The following FHIT variants were observed in gnomAD, a reference collection of about 807,000 sequenced individuals.
FHIT encodes the protein fragile histidine triad diadenosine triphosphatase.
In FHIT, 19 loss-of-function variants were observed where a neutral mutation model predicts 17.9. That is an observed-to-expected ratio of 1.06 (90% confidence interval 0.74 to 1.56). The LOEUF is 1.56. FHIT is among the 40% of genes most tolerant of loss of function. FHIT has a pLI of 0.00. For missense variants in FHIT, 248 were observed against 189.2 expected, an observed-to-expected ratio of 1.31 and a Z score of -1.82; for synonymous variants, 81 against 69.7, an observed-to-expected ratio of 1.16 and a Z score of -0.81.
At chr3:60,659,106 A>T (rs2040182914) in intron 4 of FHIT, among the ~76,000 whole-genome samples, 1 of 151,782 alleles carries the variant, frequency 6.6e-6, no homozygotes, top group South Asian at 2.1e-4. Flanking sequence ...AGCCCATTGC[A>T]TTCTGGACTC....
chr3:61,134,067 C>T (rs76724077), intron 2 of FHIT, among the ~76,000 whole-genome samples: 59,664 of 134,944 alleles, frequency 0.44, 12,952 homozygotes, highest in Middle Eastern at 0.57. Context: ...CCAGCCTGGG[C>T]GACAGAGTGA....
intron 1 of FHIT, among the ~76,000 whole-genome samples, chr3:61,248,432 G>C (rs772944873): frequency 6.6e-6 from 1 of 152,156 alleles, no homozygotes; most frequent in Non-Finnish European, 1.5e-5. Context: ...TTTCAGAAGA[G>C]ACCAGAGTTA....
Position 60,145,341 on chromosome 3 carries a change from C to A in FHIT, c.104-131189G>T, listed in dbSNP as rs139499598. Among the ~76,000 whole-genome samples the A allele has an allele frequency of 7.9e-4, 120 of 152,282 alleles. No homozygotes were observed. In the East Asian group the frequency reaches 0.016, roughly 20 times the overall value. ...ATATGTAAATTATGTACAAGCTTCACCACTTGGGCTTGTACATTATTCTAC... is the reference window on the plus strand; with the variant it reads ...ATATGTAAATTATGTACAAGCTTCAACACTTGGGCTTGTACATTATTCTAC... On this transcript the variant is annotated intron_variant, in intron 5 of 9. Transcript: ENST00000492590.
At chr3:60,993,181 C>T (rs758702077) in intron 3 of FHIT, among the ~76,000 whole-genome samples, 2 of 152,144 alleles carry the variant, frequency 1.3e-5, no homozygotes, top group East Asian at 1.9e-4. Context: ...GCAAAGGAAA[C>T]CTTATTTTCC....
At chr3:60,564,772 G>A (rs1231744903) in intron 4 of FHIT, among the ~76,000 whole-genome samples, 1 of 152,144 alleles carries the variant, frequency 6.6e-6, no homozygotes, top group Non-Finnish European at 1.5e-5. Context: ...GATTTCTTGA[G>A]ATGAAATCAA....
In FHIT at chr3:61,171,910, G is replaced by C. The variant is rs533763062; in HGVS notation, c.-164+28707C>G. 1.6e-4 allele frequency among the ~76,000 whole-genome samples: 25 copies of C among 152,296 alleles called. No homozygotes were observed. The East Asian group carries it at 3.9e-3, about 23-fold the overall frequency. ...GTGTGTGAAAACATAACTACTGCCA[G>C]AATTTTTAGCATATTCCCTTATTCA... is the stretch of plus-strand genomic sequence containing the variant. On this transcript the variant is annotated intron_variant, in intron 2 of 9. Transcript: ENST00000492590.
intron 5 of FHIT, among the ~76,000 whole-genome samples, chr3:60,410,506 T>C (rs1160841704): frequency 6.6e-6 from 1 of 152,186 alleles, no homozygotes; most frequent in Admixed American, 6.6e-5. Flanking sequence ...AATATTTTAA[T>C]TGCCAAAAAT....
intron 5 of FHIT, among the ~76,000 whole-genome samples, chr3:60,467,692 A>G (rs1038349578): frequency 6.6e-6 from 1 of 152,106 alleles, no homozygotes; most frequent in Non-Finnish European, 1.5e-5. Context: ...GATATTTGAC[A>G]TAATTTTTAA....
At chr3:60,783,842 G>A (rs1206616703) in intron 4 of FHIT, among the ~76,000 whole-genome samples, 1 of 152,146 alleles carries the variant, frequency 6.6e-6, no homozygotes, top group Non-Finnish European at 1.5e-5. Context: ...CAAGGCAAGG[G>A]CTCAGAAGAC....
chr3:60,740,390 C>T (rs2042218261), intron 4 of FHIT, among the ~76,000 whole-genome samples: 1 of 152,278 alleles, frequency 6.6e-6, no homozygotes, highest in Non-Finnish European at 1.5e-5. Context: ...ATGTACCTAC[C>T]TCACGGATTT....
chr3:60,257,861 A>G (rs953811961), intron 5 of FHIT, among the ~76,000 whole-genome samples: 2 of 152,072 alleles, frequency 1.3e-5, no homozygotes, highest in Non-Finnish European at 2.9e-5. Flanking sequence ...AAATAGACAC[A>G]TGGCGGGAAC....
rs150456122 is a variant in FHIT, at chr3:60,506,424, T to C, written c.103+30436A>G. ...ATTGTGTTTGGCAAATCCACGGTTTTAGAGTCAGTACACAAGGCAGATAAT... is the reference window on the plus strand; with the variant it reads ...ATTGTGTTTGGCAAATCCACGGTTTCAGAGTCAGTACACAAGGCAGATAAT... On this transcript the variant is annotated intron_variant, in intron 5 of 9. Coordinates refer to ENST00000492590, the MANE Select transcript of FHIT (RefSeq NM_002012.4). Among the ~76,000 whole-genome samples the C allele has an allele frequency of 3.4e-3, 525 of 152,354 alleles. 5 individuals carry two copies. The highest frequency in any genetic ancestry group is 2.3e-3 in the Non-Finnish European group (156 of 68,036).
chr3:60,723,993 T>C (rs2041863792), intron 4 of FHIT, among the ~76,000 whole-genome samples: 1 of 152,238 alleles, frequency 6.6e-6, no homozygotes, highest in African/African-American at 2.4e-5. Context: ...TTTTTAGAGA[T>C]ATAATTCACA....
intron 4 of FHIT, among the ~76,000 whole-genome samples, chr3:60,796,578 G>T (rs1553730420): frequency 6.6e-6 from 1 of 152,066 alleles, no homozygotes. Flanking sequence ...ATCAAAGAGG[G>T]TTGTTGTTTG....
intron 5 of FHIT, among the ~76,000 whole-genome samples, chr3:60,384,240 C>G (rs941175111): frequency 6.0e-5 from 9 of 150,704 alleles, no homozygotes; most frequent in Non-Finnish European, 7.4e-5. Flanking sequence ...TGCACTCCAG[C>G]CTGGTGACAG....
intron 1 of FHIT, among the ~76,000 whole-genome samples, chr3:61,213,134 G>A (rs1576233701): frequency 6.6e-6 from 1 of 152,234 alleles, no homozygotes; most frequent in Non-Finnish European, 1.5e-5. Context: ...CATAATGACA[G>A]GATCAAATTC....
At chr3:60,578,702 G>A (rs1439802333) in intron 4 of FHIT, among the ~76,000 whole-genome samples, 1 of 152,020 alleles carries the variant, frequency 6.6e-6, no homozygotes, top group Non-Finnish European at 1.5e-5. Context: ...CCATCTCTAA[G>A]GAGAAAATGG....
chr3:61,170,899 C>T (rs2037984098), intron 2 of FHIT, among the ~76,000 whole-genome samples: 1 of 152,048 alleles, frequency 6.6e-6, no homozygotes, highest in African/African-American at 2.4e-5. Flanking sequence ...AAGATTTTTC[C>T]ATAATCCCAC....
intron 5 of FHIT, among the ~76,000 whole-genome samples, chr3:60,051,853 A>C (rs913084114): frequency 1.3e-5 from 2 of 152,134 alleles, no homozygotes; most frequent in African/African-American, 2.4e-5. Context: ...TAAAACAAAC[A>C]AACAAAACAA....
Sources: gnomAD v4.1 joint callset for allele counts (sites outside exome capture counted in the v4.1 genomes callset) on GRCh38, gnomAD v4.1.1 for gene constraint, MANE v1.5 for transcripts, NCBI Gene and HGNC (gene_info 2026-07-23, HGNC 2026-07-21) for gene names.